Variants in HTR1D observed in about 807,000 individuals in gnomAD.
The protein encoded by HTR1D is 5-hydroxytryptamine receptor 1D, also known as 5-HT-1D.
HTR1D carries 18 observed loss-of-function variants against 21.1 expected under a neutral mutation model. The ratio of observed to expected loss-of-function variants is 0.85; its 90% CI spans 0.59 to 1.27. The LOEUF (loss-of-function observed/expected upper bound fraction) is 1.27, where lower values mean the gene tolerates loss of function less well. Among genes scored for constraint, HTR1D ranks in the 50% most tolerant of loss-of-function variants. HTR1D has a pLI of 0.00. For missense variants in HTR1D, 456 were observed against 481.4 expected (o/e 0.95, Z 0.49); for synonymous variants, 196 against 204.4 (o/e 0.96, Z 0.35).
At chr1:23,209,934 T>C (rs1190030915) in intron 1 of HTR1D, among the ~76,000 whole-genome samples, 4 of 152,148 alleles carry the variant, frequency 2.6e-5, no homozygotes, top group African/African-American at 4.8e-5. Context: ...AGGCCCTCTC[T>C]CTGACAGGCC....
intron 1 of HTR1D, among the ~76,000 whole-genome samples, chr1:23,206,066 G>T (rs1484379519): frequency 2.7e-5 from 4 of 150,800 alleles, no homozygotes; most frequent in African/African-American, 9.7e-5. Flanking sequence ...TTTTGAGATG[G>T]AGTCTCGTTC....
intron 1 of HTR1D, among the ~76,000 whole-genome samples, chr1:23,206,502 A>C (rs856508): frequency 0.57 from 85,959 of 152,056 alleles, 27,455 homozygotes; most frequent in African/African-American, 0.88. Flanking sequence ...CTGGCTGTGA[A>C]CTGCATACTC....
At chr1:23,215,442 G>A (rs1644770079) in intron 1 of HTR1D, among the ~76,000 whole-genome samples, 1 of 152,116 alleles carries the variant, frequency 6.6e-6, no homozygotes, top group Non-Finnish European at 1.5e-5. Context: ...TAAGCAAAAA[G>A]ACTGAGTGGT....
At chr1:23,208,627 A>T (rs1644741621) in intron 1 of HTR1D, among the ~76,000 whole-genome samples, 1 of 151,926 alleles carries the variant, frequency 6.6e-6, no homozygotes, top group Non-Finnish European at 1.5e-5. Context: ...TGGTGTCTCA[A>T]AAGAAAAGAA....
At chr1:23,198,019 A>T (rs1644695939) in intron 1 of HTR1D, among the ~76,000 whole-genome samples, 1 of 150,692 alleles carries the variant, frequency 6.6e-6, no homozygotes, top group African/African-American at 2.4e-5. Context: ...GGACTGCTTG[A>T]GCCCAGGAGT....
chr1:23,201,581 C>T (rs1201418358), intron 1 of HTR1D, among the ~76,000 whole-genome samples: 1 of 152,160 alleles, frequency 6.6e-6, no homozygotes, highest in African/African-American at 2.4e-5. Flanking sequence ...GCAGGGACTT[C>T]CTCTGTTGTC....
chr1:23,198,651 A>G lies in HTR1D; in HGVS notation c.-782-3650T>C, dbSNP rs116763495. On this transcript the variant is annotated intron_variant, in intron 1 of 1. Transcript: ENST00000374619. The stretch of plus-strand genomic sequence containing the variant: ...GAATGGTAGCATATGGCGTATTCCT[A>G]TGATGGAGGGCTACAGAGAAGCAAA... Among the ~76,000 whole-genome samples, 1,312 of 152,274 alleles carry G rather than the reference A, an allele frequency of 8.6e-3. 9 individuals are homozygous for G. The highest frequency in any genetic ancestry group is 0.018 in the African/African-American group (736 of 41,518).
rs569789767 is a variant in HTR1D at position 23,201,204 on chromosome 1, T to C, written c.-782-6203A>G. Among the ~76,000 whole-genome samples the C allele has an allele frequency of 9.9e-5, 15 of 152,254 alleles. No individual in the cohort carries two copies. In the South Asian group the frequency reaches 2.7e-3, roughly 27 times the overall value. On this transcript the variant is annotated intron_variant, in intron 1 of 1. Transcript: ENST00000374619. ...GATAGAAGATGGGGGAAGATAAATC[T>C]GCAGGCCAAGGGTCCTGAGGCTGGA...
At chr1:23,208,879 G>C (rs1450957365) in intron 1 of HTR1D, among the ~76,000 whole-genome samples, 2 of 151,522 alleles carry the variant, frequency 1.3e-5, no homozygotes, top group African/African-American at 4.9e-5. Context: ...GATGTACCTG[G>C]TTCAAAAAAA....
At chr1:23,213,449 C>T (rs112792583) in intron 1 of HTR1D, among the ~76,000 whole-genome samples, 41 of 150,994 alleles carry the variant, frequency 2.7e-4, no homozygotes, top group African/African-American at 8.3e-4. Context: ...CATTGCACTC[C>T]AGCCTGGGCG....
At chr1:23,205,933 A>T (rs763404474) in intron 1 of HTR1D, among the ~76,000 whole-genome samples, 11 of 151,930 alleles carry the variant, frequency 7.2e-5, no homozygotes, top group Non-Finnish European at 1.3e-4. Context: ...TCCCACTGCC[A>T]CTGTTCTGTT....
chr1:23,208,618 G>A (rs537157088), intron 1 of HTR1D, among the ~76,000 whole-genome samples: 4 of 151,766 alleles, frequency 2.6e-5, no homozygotes, highest in African/African-American at 7.3e-5. Context: ...AGCCAGGCAT[G>A]GTGTCTCAAA....
intron 1 of HTR1D, among the ~76,000 whole-genome samples, chr1:23,205,230 G>A (rs1449706201): frequency 3.3e-5 from 5 of 152,054 alleles, no homozygotes; most frequent in Non-Finnish European, 7.4e-5. Flanking sequence ...AATGGACTTC[G>A]GGGACTTGGG....
chr1:23,203,657 AAAAC>A (rs1365511391), intron 1 of HTR1D, among the ~76,000 whole-genome samples: 3 of 152,134 alleles, frequency 2.0e-5, no homozygotes, highest in African/African-American at 7.2e-5. Context: ...CCCCTGTCTT[AAAAC>A]AAACAAACAA....
chr1:23,207,346 T>C lies in HTR1D; in HGVS notation c.-783+9945A>G, dbSNP rs372781343. Among the ~76,000 whole-genome samples the C allele has an allele frequency of 3.0e-3, 448 of 151,784 alleles. 5 individuals carry two copies. Among genetic ancestry groups the C allele is most frequent in the South Asian group, 0.019 (89 of 4,802 alleles). On this transcript the variant is annotated intron_variant, in intron 1 of 1. Transcript: ENST00000374619. Reference sequence around the variant, plus strand: ...ATCGCTTGAACCCAGGAGGCAGAGGTTGCAGTGAGCTGAGATCGTGCTACT... The same window carrying C: ...ATCGCTTGAACCCAGGAGGCAGAGGCTGCAGTGAGCTGAGATCGTGCTACT...
chr1:23,199,416 T>C, intron 1 of HTR1D, among the ~76,000 whole-genome samples: 1 of 10,930 alleles, frequency 9.1e-5, no homozygotes, highest in East Asian at 1.3e-3. Flanking sequence ...ATGTGTGGTC[T>C]TTTTTTTTTT....
intron 1 of HTR1D, among the ~76,000 whole-genome samples, chr1:23,214,115 A>G (rs1644764696): frequency 6.6e-6 from 1 of 152,222 alleles, no homozygotes; most frequent in Non-Finnish European, 1.5e-5. Flanking sequence ...GAGAAAGATC[A>G]GTATTTCCTC....
intron 1 of HTR1D, among the ~76,000 whole-genome samples, chr1:23,201,640 C>T (rs771771032): frequency 9.9e-5 from 15 of 152,168 alleles, no homozygotes; most frequent in Non-Finnish European, 1.9e-4. Context: ...CAGCCTCGAT[C>T]TCCCAGGTTC....
chr1:23,206,895 G>T (rs1423460638), intron 1 of HTR1D, among the ~76,000 whole-genome samples: 3 of 152,222 alleles, frequency 2.0e-5, no homozygotes, highest in Admixed American at 6.5e-5. Context: ...TCCAGGAACT[G>T]GTGGGGAATG....
Sources: allele counts gnomAD v4.1 joint callset (sites outside exome capture counted in the v4.1 genomes callset), GRCh38; gene constraint gnomAD v4.1.1; transcripts MANE v1.5; gene names NCBI Gene and HGNC (gene_info 2026-07-23, HGNC 2026-07-21).